CRADD: variants seen among roughly 807,000 people sequenced by gnomAD.
CRADD encodes the protein death domain-containing protein CRADD.
Under a neutral mutation model 15.5 loss-of-function variants are expected in CRADD, and 9 were observed. The observed-to-expected ratio is 0.58, with a 90% CI of 0.35 to 1.01. The LOEUF (loss-of-function observed/expected upper bound fraction) is 1.01. Ranked by LOEUF, CRADD falls within the 50% of genes least tolerant of loss-of-function variation. The pLI is 0.02. For missense variants in CRADD, 227 were observed against 250.3 expected (o/e 0.91, Z 0.63); for synonymous variants, 118 against 107.6 (o/e 1.10, Z -0.60).
At chr12:93,765,752 T>G (rs1262404074) in intron 2 of CRADD, among the ~76,000 whole-genome samples, 1 of 152,230 alleles carries the variant, frequency 6.6e-6, no homozygotes, top group Non-Finnish European at 1.5e-5. Flanking sequence ...TGTTCTCATG[T>G]CTTCTGTTAG....
intron 2 of CRADD, among the ~76,000 whole-genome samples, chr12:93,740,878 G>A (rs892473620): frequency 6.6e-6 from 1 of 152,140 alleles, no homozygotes; most frequent in African/African-American, 2.4e-5. Flanking sequence ...TTTAAAAGCT[G>A]TTTGACTTTC....
At chr12:93,879,814 G>A (rs949484969) in intron 2 of CRADD, among the ~76,000 whole-genome samples, 3 of 152,174 alleles carry the variant, frequency 2.0e-5, no homozygotes, top group African/African-American at 7.2e-5. Flanking sequence ...TGCTCTATGT[G>A]CCACTGGGAG....
chr12:93,701,295 G>GACACACACACACACACACACAC (rs55986038), intron 2 of CRADD, among the ~76,000 whole-genome samples: 44 of 143,456 alleles, frequency 3.1e-4, no homozygotes, highest in African/African-American at 1.0e-3. Flanking sequence ...CTCTCTCTGT[G>GACACACACACACACACACACAC]ACACACACAC....
exon 3 of CRADD, chr12:93,894,490 CCT>C (rs1958598846): frequency 4.6e-6 from 1 of 218,978 alleles, no homozygotes; most frequent in African/African-American, 2.2e-5. Flanking sequence ...ACAGGCTTGG[CCT>C]CTCTCCTGTG....
intron 2 of CRADD, among the ~76,000 whole-genome samples, chr12:93,796,381 G>GATC (rs1413781931): frequency 6.6e-6 from 1 of 152,046 alleles, no homozygotes; most frequent in Non-Finnish European, 1.5e-5. Context: ...AAGGCAGGTG[G>GATC]ATCACTTGAG....
intron 2 of CRADD, among the ~76,000 whole-genome samples, chr12:93,740,933 G>T (rs1028743096): frequency 1.3e-5 from 2 of 152,050 alleles, no homozygotes; most frequent in Non-Finnish European, 2.9e-5. Context: ...GCAGATTCCG[G>T]CTTTCTCTGT....
intron 2 of CRADD, among the ~76,000 whole-genome samples, chr12:93,779,621 A>G (rs1453558259): frequency 7.6e-5 from 11 of 144,358 alleles, no homozygotes; most frequent in Non-Finnish European, 1.2e-4. Flanking sequence ...ACAGAGTCTC[A>G]CTCTGTCACC....
chr12:93,887,223 C>A (rs540605109), intron 2 of CRADD, among the ~76,000 whole-genome samples: 56 of 152,278 alleles, frequency 3.7e-4, no homozygotes, highest in African/African-American at 1.2e-3. Context: ...AATTTGGAAA[C>A]CTTGGGGTAA....
chr12:93,680,501 C>T (rs1287118544), intron 2 of CRADD, among the ~76,000 whole-genome samples: 1 of 152,198 alleles, frequency 6.6e-6, no homozygotes, highest in East Asian at 1.9e-4. Context: ...AAAGTATTTT[C>T]ATTCCTAGTC....
At chr12:93,737,461 CTT>C (rs1355239528) in intron 2 of CRADD, among the ~76,000 whole-genome samples, 1 of 152,178 alleles carries the variant, frequency 6.6e-6, no homozygotes, top group Non-Finnish European at 1.5e-5. Flanking sequence ...AGGATTCAAA[CTT>C]AGTACTAATC....
At chr12:93,873,682 C>A (rs1293195326) in intron 2 of CRADD, among the ~76,000 whole-genome samples, 1 of 151,952 alleles carries the variant, frequency 6.6e-6, no homozygotes. Context: ...ATAGTTTTTA[C>A]CTTTCATTCT....
At chr12:93,819,153 A>G (rs904027479) in intron 2 of CRADD, among the ~76,000 whole-genome samples, 1 of 152,224 alleles carries the variant, frequency 6.6e-6, no homozygotes, top group Non-Finnish European at 1.5e-5. Context: ...CTGTCCGCCT[A>G]TGAGGGCTTG....
At chr12:93,838,560 CTCTCT>C (rs1217751465) in intron 2 of CRADD, among the ~76,000 whole-genome samples, 1 of 142,842 alleles carries the variant, frequency 7.0e-6, no homozygotes, top group African/African-American at 2.8e-5. Context: ...CTCTCTTTCT[CTCTCT>C]TTTTTTTTTT....
intron 1 of CRADD, among the ~76,000 whole-genome samples, chr12:93,678,231 C>T (rs550460428): frequency 6.6e-6 from 1 of 152,204 alleles, no homozygotes; most frequent in South Asian, 2.1e-4. Flanking sequence ...GCGAAAAGAG[C>T]CTTAAATTCT....
intron 2 of CRADD, among the ~76,000 whole-genome samples, chr12:93,830,368 A>G (rs754573293): frequency 1.3e-5 from 2 of 152,228 alleles, no homozygotes; most frequent in Non-Finnish European, 2.9e-5. Context: ...TTAGTGGAAC[A>G]TGAAATCAAT....
chr12:93,729,225 T>C (rs949934379), intron 2 of CRADD, among the ~76,000 whole-genome samples: 4 of 152,238 alleles, frequency 2.6e-5, no homozygotes, highest in Non-Finnish European at 4.4e-5. Flanking sequence ...TTAGGAATTA[T>C]CAACTCTTTA....
At chr12:93,748,719 A>G (rs1956796221) in intron 2 of CRADD, among the ~76,000 whole-genome samples, 1 of 152,254 alleles carries the variant, frequency 6.6e-6, no homozygotes, top group African/African-American at 2.4e-5. Flanking sequence ...TGAGGGATCC[A>G]GTCCCCCTTC....
At chr12:93,689,808 T>C (rs749398643) in intron 2 of CRADD, among the ~76,000 whole-genome samples, 4 of 152,112 alleles carry the variant, frequency 2.6e-5, no homozygotes, top group Non-Finnish European at 4.4e-5. Context: ...GGGTGCTGAG[T>C]AGTAATGGTG....
chr12:93,773,321 G>T (rs893352210), intron 2 of CRADD, among the ~76,000 whole-genome samples: 2 of 152,106 alleles, frequency 1.3e-5, no homozygotes, highest in Non-Finnish European at 2.9e-5. Flanking sequence ...AATCATGGGG[G>T]CAGGCCTTTC....
Sources: allele counts gnomAD v4.1 joint callset (sites outside exome capture counted in the v4.1 genomes callset), GRCh38; gene constraint gnomAD v4.1.1; transcripts MANE v1.5; gene names NCBI Gene and HGNC (gene_info 2026-07-23, HGNC 2026-07-21).